MID1: variants seen among roughly 807,000 people sequenced by gnomAD.
MID1 encodes the protein E3 ubiquitin-protein ligase Midline-1.
In MID1, 7 loss-of-function variants were observed where a neutral mutation model predicts 40.4. That is an observed-to-expected ratio of 0.17 (90% CI 0.10 to 0.33). The LOEUF is 0.33. Ranked by LOEUF, MID1 falls within the 10% of genes least tolerant of loss-of-function variation. The probability of loss-of-function intolerance (pLI) is 1.00; values close to 1 mark genes in which losing one functional copy is unlikely to be tolerated. For missense variants in MID1, 367 were observed against 558.5 expected (o/e 0.66, Z 3.46); for synonymous variants, 229 against 221.2 (o/e 1.04, Z -0.31).
chrX:10,495,770 T>C (rs1386441171), intron 3 of MID1, 79 bp from the exon 4 acceptor site: 1 of 656,927 alleles, frequency 1.5e-6, no homozygotes, highest in Non-Finnish European at 2.5e-6. Context: ...TATACTAGGA[T>C]GTTTCTAGTA....
At chrX:10,566,552 T>C (rs868076067) in intron 2 of MID1, among the ~76,000 whole-genome samples, 25 of 87,403 alleles carry the variant, frequency 2.9e-4, no homozygotes, top group African/African-American at 7.1e-4. Context: ...TCTCTCTCTC[T>C]CTCTCTCTCC....
chrX:10,754,332 G>A (rs1481587070), intron 1 of MID1, among the ~76,000 whole-genome samples: 4 of 97,409 alleles, frequency 4.1e-5, no homozygotes, highest in African/African-American at 2.1e-4. Context: ...TGTTTTTTTT[G>A]TCATCTGTCA....
At chrX:10,777,365 T>A (rs1166155994) in intron 1 of MID1, among the ~76,000 whole-genome samples, 1 of 38,464 alleles carries the variant, frequency 2.6e-5, no homozygotes, top group Non-Finnish European at 4.5e-5. Context: ...GCCCGGCTAA[T>A]TTTTTTGTAT....
chrX:10,511,563 T>C (rs904933449), intron 3 of MID1, among the ~76,000 whole-genome samples: 2 of 111,496 alleles, frequency 1.8e-5, no homozygotes, highest in Non-Finnish European at 3.8e-5. Context: ...AATTAATTAA[T>C]TATTTAGTAG....
chrX:10,831,939 G>A (rs1393059626), intron 1 of MID1, among the ~76,000 whole-genome samples: 1 of 112,096 alleles, frequency 8.9e-6, no homozygotes, highest in Non-Finnish European at 1.9e-5. Flanking sequence ...TCATCAGCAG[G>A]GTGAGAAAAC....
At chrX:10,564,809 T>C (rs920764005) in intron 2 of MID1, among the ~76,000 whole-genome samples, 1 of 111,399 alleles carries the variant, frequency 9.0e-6, no homozygotes, top group African/African-American at 3.3e-5. Flanking sequence ...AGTTGTTAAA[T>C]ATTGAACATC....
At chrX:10,517,063 T>A (rs772206721) in intron 3 of MID1, among the ~76,000 whole-genome samples, 1 of 111,950 alleles carries the variant, frequency 8.9e-6, no homozygotes, top group South Asian at 3.7e-4. Flanking sequence ...TTCAAACTGT[T>A]TTCCATTCTG....
At chrX:10,482,204 C>T (rs1201365746) in intron 5 of MID1, among the ~76,000 whole-genome samples, 1 of 111,629 alleles carries the variant, frequency 9.0e-6, no homozygotes, top group Admixed American at 9.5e-5. Context: ...TCATAAGCTC[C>T]CCCCTCGTCC....
chrX:10,692,929 G>A lies in MID1; in HGVS notation c.-186-72510C>T, dbSNP rs760486596. Among the ~76,000 whole-genome samples, 7 of 111,072 alleles carry A rather than the reference G, an allele frequency of 6.3e-5. No homozygotes were observed. The East Asian group carries it at 1.4e-3, about 23-fold the overall frequency. ...GTTGAATGAGACAAAAGGATAGTTCGAAGGTAACTAATCAACACTTCTTCC... is the reference window on the plus strand; with the variant it reads ...GTTGAATGAGACAAAAGGATAGTTCAAAGGTAACTAATCAACACTTCTTCC... On this transcript the variant is annotated intron_variant, in intron 1 of 10. Transcript: ENST00000380785.
At chrX:10,782,877 G>C (rs1304458387) in intron 1 of MID1, among the ~76,000 whole-genome samples, 1 of 111,539 alleles carries the variant, frequency 9.0e-6, no homozygotes, top group Non-Finnish European at 1.9e-5. Flanking sequence ...TTGGGAGCTT[G>C]TTAGACAAGC....
intron 2 of MID1, among the ~76,000 whole-genome samples, chrX:10,530,439 A>C (rs781483215): frequency 8.9e-6 from 1 of 112,529 alleles, no homozygotes; most frequent in South Asian, 3.7e-4. Flanking sequence ...ATATTAAGCC[A>C]AGGATTGGGT....
chrX:10,640,071 G>C lies in MID1; in HGVS notation c.-186-19652C>G, dbSNP rs530913089. ...AGCCACAGCAAAAACATGCCAAATT[G>C]TAAAGACCATCAGTGCTAGGAAGAA... is the stretch of plus-strand genomic sequence containing the variant. On this transcript the variant is annotated intron_variant, in intron 1 of 10. Transcript: ENST00000380785. Among the ~76,000 whole-genome samples the C allele has an allele frequency of 3.6e-5, 4 of 111,995 alleles. No individual in the cohort carries two copies. The South Asian group carries it at 1.5e-3, about 42-fold the overall frequency.
chrX:10,613,815 T>G (rs1935794636), intron 1 of MID1, among the ~76,000 whole-genome samples: 1 of 97,251 alleles, frequency 1.0e-5, no homozygotes, highest in African/African-American at 3.9e-5. Context: ...TGTATATAAA[T>G]GGACTATATA....
At chrX:10,660,319 C>T (rs746316845) in intron 1 of MID1, among the ~76,000 whole-genome samples, 1 of 112,572 alleles carries the variant, frequency 8.9e-6, no homozygotes, top group Non-Finnish European at 1.9e-5. Context: ...GTGTTATTGA[C>T]GATGGAGCAC....
chrX:10,830,675 G>C (rs374761227), intron 1 of MID1, among the ~76,000 whole-genome samples: 1 of 112,063 alleles, frequency 8.9e-6, no homozygotes, highest in Non-Finnish European at 1.9e-5. Context: ...AGTGGTGGGA[G>C]AATCCCAGCC....
In MID1 at chrX:10,722,593, A is replaced by C. The variant is rs144273264; in HGVS notation, c.-186-102174T>G. 4.1e-3 allele frequency among the ~76,000 whole-genome samples: 455 copies of C among 112,148 alleles called. 5 individuals are homozygous for C. The highest frequency in any genetic ancestry group is 0.014 in the African/African-American group (438 of 30,901). ...ATATCGGCCTTCAAGAGGAAAATTG[A>C]AATGTATTTTATCACAGACTAGTTT... is the stretch of plus-strand genomic sequence containing the variant. On this transcript the variant is annotated intron_variant, in intron 1 of 10. Transcript: ENST00000380785.
chrX:10,646,425 A>G (rs1936262322), intron 1 of MID1, among the ~76,000 whole-genome samples: 1 of 111,666 alleles, frequency 9.0e-6, no homozygotes, highest in Non-Finnish European at 1.9e-5. Context: ...GCAACCTAAT[A>G]TAAGTGGAAA....
At chrX:10,649,178 C>T (rs1379315755) in intron 1 of MID1, among the ~76,000 whole-genome samples, 1 of 111,939 alleles carries the variant, frequency 8.9e-6, no homozygotes, top group Non-Finnish European at 1.9e-5. Flanking sequence ...AGCAAAGCAG[C>T]TACTCCTAGC....
At chrX:10,503,267 T>C (rs1262849810) in intron 3 of MID1, among the ~76,000 whole-genome samples, 1 of 111,926 alleles carries the variant, frequency 8.9e-6, no homozygotes, top group African/African-American at 3.2e-5. Flanking sequence ...TCAGTCTGTA[T>C]ATAAAACTGA....
Sources: gnomAD v4.1 joint callset for allele counts (sites outside exome capture counted in the v4.1 genomes callset) on GRCh38, gnomAD v4.1.1 for gene constraint, MANE v1.5 for transcripts, NCBI Gene and HGNC (gene_info 2026-07-23, HGNC 2026-07-21) for gene names.